The following PNKD variants were observed in gnomAD, a reference collection of about 807,000 sequenced individuals.
PNKD encodes the protein probable thioesterase PNKD.
A neutral mutation model predicts 45.3 loss-of-function variants in PNKD; 36 were observed. The ratio of observed to expected loss-of-function variants is 0.80; its 90% CI spans 0.61 to 1.05. The LOEUF is 1.05. Ranked by LOEUF, PNKD falls within the 50% of genes least tolerant of loss-of-function variation. The pLI is 0.00. For synonymous variants in PNKD, 197 were observed against 210.1 expected (o/e 0.94, Z 0.54); for missense variants, 511 against 506.6 (o/e 1.01, Z -0.08).
At chr2:218,292,601 G>T (rs1217500006) in intron 2 of PNKD, 1 of 151,852 alleles carries the variant, frequency 6.6e-6, no homozygotes, top group African/African-American at 2.4e-5. Context: ...TCAGGGCGCC[G>T]CCAGGGGGCG....
At chr2:218,310,725 G>A (rs1453308519) in intron 2 of PNKD, among the ~76,000 whole-genome samples, 2 of 150,550 alleles carry the variant, frequency 1.3e-5, no homozygotes, top group African/African-American at 2.5e-5. Flanking sequence ...CTAAGTACCT[G>A]GGGTTACAGG....
intron 2 of PNKD, chr2:218,278,373 C>T (rs931621900): frequency 8.6e-5 from 72 of 841,070 alleles, no homozygotes; most frequent in Middle Eastern, 4.5e-4. Flanking sequence ...TACACCTGAA[C>T]AGTAGCTGTC....
intron 2 of PNKD, among the ~76,000 whole-genome samples, chr2:218,272,305 A>G (rs1690873295): frequency 6.6e-6 from 1 of 152,236 alleles, no homozygotes; most frequent in African/African-American, 2.4e-5. Flanking sequence ...GGAGGAGGAA[A>G]GAGGCAGGCA....
rs1693301791 is a variant in PNKD, at chr2:218,302,713, A to G, written c.236+31164A>G. Among the ~76,000 whole-genome samples, 6 of 152,210 alleles carry G rather than the reference A, an allele frequency of 3.9e-5. No individual in the cohort carries two copies. The South Asian group carries it at 1.2e-3, about 32-fold the overall frequency. On this transcript the variant is annotated intron_variant, in intron 2 of 9. Transcript: ENST00000273077. ...ACATTCAAACTCTGTAAAATATTTG[A>G]AGAAATTTATTCTGAACCAAATATG...
intron 2 of PNKD, among the ~76,000 whole-genome samples, chr2:218,322,526 C>T (rs576220670): frequency 1.3e-5 from 2 of 152,316 alleles, no homozygotes; most frequent in East Asian, 3.9e-4. Flanking sequence ...GTTGCTCCTC[C>T]AGAGCTTGTG....
intron 2 of PNKD, chr2:218,292,713 A>G (rs1032663823): frequency 6.6e-6 from 1 of 152,236 alleles, no homozygotes; most frequent in Non-Finnish European, 1.5e-5. Flanking sequence ...TGATACTGAT[A>G]GGAAGCTAGA....
At chr2:218,314,129 G>T (rs903033761) in intron 2 of PNKD, among the ~76,000 whole-genome samples, 3 of 150,930 alleles carry the variant, frequency 2.0e-5, no homozygotes, top group Admixed American at 6.6e-5. Context: ...CTCCATGTTG[G>T]TCAGGCTGGT....
chr2:218,343,616 T>G (rs1402438576), intron 8 of PNKD, 30 bp downstream of exon 8: 1 of 1,539,462 alleles, frequency 6.5e-7, no homozygotes, highest in African/African-American at 1.4e-5. Context: ...CTCCCCATCC[T>G]CCAGCCCCAC....
At chr2:218,343,448 C>G in intron 7 of PNKD, 52 bp from the exon 8 acceptor site, 1 of 1,395,650 alleles carries the variant, frequency 7.2e-7, no homozygotes, top group Non-Finnish European at 1.0e-6. Context: ...GTGCCTTATG[C>G]CATATTGTGT....
intron 2 of PNKD, chr2:218,285,874 G>A (rs1463006984): frequency 6.5e-6 from 1 of 153,278 alleles, no homozygotes; most frequent in Non-Finnish European, 1.5e-5. Flanking sequence ...GCCTCCATGA[G>A]GGCCCTGGCC....
At chr2:218,324,761 G>A (rs900025771) in intron 2 of PNKD, among the ~76,000 whole-genome samples, 7 of 151,402 alleles carry the variant, frequency 4.6e-5, no homozygotes, top group Non-Finnish European at 8.8e-5. Flanking sequence ...ATGGTGAAAC[G>A]CCATCTCTAC....
intron 2 of PNKD, chr2:218,318,121 C>T (rs1471485876): frequency 6.6e-6 from 1 of 152,248 alleles, no homozygotes; most frequent in Non-Finnish European, 1.5e-5. Flanking sequence ...CTAAGGGAAC[C>T]TCTCAGGCCA....
Position 218,326,135 on chromosome 2 carries a change from T to C in PNKD, c.237-13648T>C, listed in dbSNP as rs911808395. On this transcript the variant is annotated intron_variant, in intron 2 of 9. Transcript: ENST00000273077. This position sits in a 1 kb window ranked among gnomAD's most constrained non-coding sequence, Gnocchi z 4.1. ...CACATGCACTACCAACCTGAAGGTG[T>C]GGCTGGGAGGATCGCAAATAGAGGA... Among the ~76,000 whole-genome samples the C allele has an allele frequency of 6.6e-6, 1 of 151,636 alleles. No homozygotes were observed. The highest frequency in any genetic ancestry group is 6.6e-5 in the Admixed American group (1 of 15,224).
intron 2 of PNKD, among the ~76,000 whole-genome samples, chr2:218,325,975 G>C (rs886660639): frequency 6.6e-6 from 1 of 152,050 alleles, no homozygotes; most frequent in African/African-American, 2.4e-5. Flanking sequence ...GCTGCTGGCT[G>C]CTGGGAGGGA....
chr2:218,303,960 T>G (rs1031964659), intron 2 of PNKD, among the ~76,000 whole-genome samples: 1 of 152,032 alleles, frequency 6.6e-6, no homozygotes, highest in Non-Finnish European at 1.5e-5. Flanking sequence ...TTGGAGCTGG[T>G]CCTATGGACA....
At chr2:218,334,298 A>G (rs1694422958) in intron 2 of PNKD, among the ~76,000 whole-genome samples, 1 of 152,076 alleles carries the variant, frequency 6.6e-6, no homozygotes, top group South Asian at 2.1e-4. Context: ...AGCTTACTCA[A>G]ATTCACTATT....
intron 2 of PNKD, chr2:218,323,161 C>CA: frequency 7.4e-7 from 1 of 1,347,036 alleles, no homozygotes; most frequent in Non-Finnish European, 9.5e-7. Context: ...GGGGCCACAA[C>CA]GCCCCCACGT....
chr2:218,324,858 C>T (rs1694097855), intron 2 of PNKD, among the ~76,000 whole-genome samples: 1 of 151,670 alleles, frequency 6.6e-6, no homozygotes, highest in South Asian at 2.1e-4. Flanking sequence ...TTGCTTGAAG[C>T]CGGGAGAGGG....
At chr2:218,341,728 G>A in intron 6 of PNKD, 102 bp downstream of exon 6, 1 of 937,464 alleles carries the variant, frequency 1.1e-6, no homozygotes, top group Non-Finnish European at 1.7e-6. Flanking sequence ...GTGGATCTTT[G>A]CCAGTGCCCT....
Sources: allele counts gnomAD v4.1 joint callset (sites outside exome capture counted in the v4.1 genomes callset), GRCh38; gene constraint gnomAD v4.1.1; non-coding constraint Gnocchi (gnomAD v3.1); transcripts MANE v1.5; gene names NCBI Gene and HGNC (gene_info 2026-07-23, HGNC 2026-07-21).